Variants in ANGPT2 observed in about 807,000 individuals in gnomAD.
The protein encoded by ANGPT2 is angiopoietin-2.
A neutral mutation model predicts 62.9 loss-of-function variants in ANGPT2; 28 were observed. The ratio of observed to expected loss-of-function variants is 0.44; its 90% CI spans 0.33 to 0.61. The LOEUF is 0.61. Ranked by LOEUF, ANGPT2 falls within the 20% of genes least tolerant of loss-of-function variation. ANGPT2 has a pLI of 0.03. For synonymous variants in ANGPT2, 284 were observed against 207.8 expected, an observed-to-expected ratio of 1.37 and a Z score of -3.15; for missense variants, 727 against 594.9, an observed-to-expected ratio of 1.22 and a Z score of -2.31.
intron 3 of ANGPT2, 122 bp from the exon 4 acceptor site, chr8:6,521,532 A>G (rs1178210132): frequency 9.7e-6 from 7 of 724,708 alleles, no homozygotes; most frequent in Non-Finnish European, 1.5e-5. Flanking sequence ...AAGTAATATG[A>G]TGTTACCAGA....
rs1247989268 is a variant in ANGPT2 at position 6,505,250 on chromosome 8, T to TA, written c.1328-1990_1328-1989insT. Among the ~76,000 whole-genome samples, 59 of 20,286 alleles carry TA rather than the reference T, an allele frequency of 2.9e-3. 11 individuals carry two copies. The highest frequency in any genetic ancestry group is 6.6e-3 in the African/African-American group (56 of 8,520). The allele number at this position is 20,286 out of a possible 152,430, so 13.3% of individuals were successfully genotyped here. On this transcript the variant is annotated intron_variant, in intron 8 of 8. Coordinates refer to ENST00000629816, the MANE Select transcript of ANGPT2 (RefSeq NM_001118887.2). Reference sequence around the variant, plus strand: ...TTATGTATATATAGAATATATATTCTTTATATATGTTTTATATATATGTAT... The same window carrying TA: ...TTATGTATATATAGAATATATATTCTATTATATATGTTTTATATATATGTAT...
Position 6,543,949 on chromosome 8 carries a change from T to G in ANGPT2, c.289-11462A>C, listed in dbSNP as rs940057657. 2.0e-5 allele frequency among the ~76,000 whole-genome samples: 3 copies of G among 152,256 alleles called. No homozygotes were observed. The East Asian group carries it at 5.8e-4, about 29-fold the overall frequency. On this transcript the variant is annotated intron_variant, in intron 1 of 8. Coordinates refer to ENST00000629816, the MANE Select transcript of ANGPT2 (RefSeq NM_001118887.2). ...CAGATTATTTAACGGGGCTATGTTT[T>G]GCACCTTAATCTTTAAAGTTGCAAT...
chr8:6,527,456 G>A, intron 3 of ANGPT2, 99 bp downstream of exon 3: 2 of 1,453,718 alleles, frequency 1.4e-6, no homozygotes, highest in Non-Finnish European at 1.9e-6. Context: ...CACTAGACAT[G>A]AAGAAACTCA....
At position 6,519,533 on chromosome 8, in the gene ANGPT2, A is replaced by G. The variant is rs80203113; in HGVS notation, c.927+331T>C. On this transcript the variant is annotated intron_variant, in intron 5 of 8. Coordinates refer to ENST00000629816, the MANE Select transcript of ANGPT2 (RefSeq NM_001118887.2). Reference sequence around the variant, plus strand: ...GTTCAACCTTCAGTTTTTGGAAGATACTTTCTTTAAGGAAATGAGTCTGAC... The same window carrying G: ...GTTCAACCTTCAGTTTTTGGAAGATGCTTTCTTTAAGGAAATGAGTCTGAC... Among the ~76,000 whole-genome samples, 1,477 of 152,352 alleles carry G rather than the reference A, an allele frequency of 9.7e-3. 78 individuals are homozygous for G. The highest frequency in any genetic ancestry group is 0.079 in the Admixed American group (1,216 of 15,296).
chr8:6,515,216 G>A (rs1419787895), intron 5 of ANGPT2, among the ~76,000 whole-genome samples: 1 of 133,406 alleles, frequency 7.5e-6, no homozygotes, highest in Non-Finnish European at 1.7e-5. Context: ...GCCAGCCCCT[G>A]CCCCTCCACA....
chr8:6,563,025 T>C lies in ANGPT2; in HGVS notation c.-91A>G. 2 of 1,367,472 alleles carry C rather than the reference T, an allele frequency of 1.5e-6. No individual in the cohort carries two copies. The highest frequency in any genetic ancestry group is 2.0e-6 in the Non-Finnish European group (2 of 1,012,124). The allele number at this position is 1,367,472 out of a possible 1,614,324, so 84.7% of individuals were successfully genotyped here. ...GCTGCTGCCGTCTAAAACGCAGGGC[T>C]GCTACGCTGCCATGGCTGGGTCCGT... On this transcript the variant is annotated 5_prime_UTR_variant, in exon 1 of 9. Transcript: ENST00000629816.
intron 8 of ANGPT2, 144 bp downstream of exon 8, chr8:6,508,788 A>T (rs902834070): frequency 8.4e-7 from 1 of 1,187,620 alleles, no homozygotes; most frequent in Non-Finnish European, 1.2e-6. Flanking sequence ...TGAAAAACAC[A>T]TTTACCTATA....
chr8:6,507,168 G>T (rs75429999), intron 8 of ANGPT2, among the ~76,000 whole-genome samples: 36,967 of 152,102 alleles, frequency 0.24, 5,844 homozygotes, highest in Middle Eastern at 0.4. Flanking sequence ...AAAGTGCTGG[G>T]ATTACAAGCG....
chr8:6,540,422 C>A (rs1821330924), intron 1 of ANGPT2, among the ~76,000 whole-genome samples: 1 of 152,164 alleles, frequency 6.6e-6, no homozygotes, highest in Non-Finnish European at 1.5e-5. Context: ...TTGGGCATTT[C>A]ATATGCAAAA....
intron 7 of ANGPT2, among the ~76,000 whole-genome samples, chr8:6,513,076 A>C (rs1011808627): frequency 1.3e-5 from 2 of 152,222 alleles, no homozygotes; most frequent in African/African-American, 4.8e-5. Flanking sequence ...CTTACTATTC[A>C]CTGATTTTAC....
rs2916716 is a variant in ANGPT2, at chr8:6,499,714, A to T, written c.*3387T>A. ...TATGCAACATGAAGATTCTGAAGGG[A>T]CTTTGTTGTCTGAGAACACATCTAT... On this transcript the variant is annotated 3_prime_UTR_variant, in exon 9 of 9. Transcript: ENST00000629816. 0.29 allele frequency: 207,512 copies of T among 723,324 alleles called. 33,836 individuals are homozygous for T. The highest frequency in any genetic ancestry group is 0.37 in the Middle Eastern group (993 of 2,698). 44.8% of individuals were successfully genotyped at this position (723,324 alleles called of 1,614,324 possible). A position where few individuals can be genotyped will look rare whatever the true frequency, so the allele number is the denominator to read the frequency against.
At chr8:6,519,808 C>A in intron 5 of ANGPT2, 56 bp downstream of exon 5, 1 of 1,592,146 alleles carries the variant, frequency 6.3e-7, no homozygotes, top group South Asian at 1.1e-5. Context: ...GTTCCTCACT[C>A]ACTAAAGTGG....
chr8:6,561,046 G>A (rs775670039), intron 1 of ANGPT2, among the ~76,000 whole-genome samples: 10 of 152,180 alleles, frequency 6.6e-5, no homozygotes, highest in East Asian at 3.9e-4. Context: ...TCAGCTTGAC[G>A]GTTTACAAAG....
Position 6,499,918 on chromosome 8 carries a change from C to T in ANGPT2, c.*3183G>A, listed in dbSNP as rs377727146. On this transcript the variant is annotated 3_prime_UTR_variant, in exon 9 of 9. Coordinates refer to ENST00000629816, the MANE Select transcript of ANGPT2 (RefSeq NM_001118887.2). ...GCCGTTCGAACTGTCTCACCACTTC[C>T]CTGCAGCTCCCGTAAGTCAGATGTT... The T allele has an allele frequency of 4.9e-5, 79 of 1,613,476 alleles. No homozygotes were observed. The highest frequency in any genetic ancestry group is 6.4e-5 in the Non-Finnish European group (76 of 1,179,842).
intron 2 of ANGPT2, among the ~76,000 whole-genome samples, chr8:6,531,562 A>C (rs2442603): frequency 1.3e-5 from 2 of 152,014 alleles, no homozygotes; most frequent in African/African-American, 4.8e-5. Flanking sequence ...AAAGTGCTGG[A>C]ATTACAGGCG....
Position 6,505,740 on chromosome 8 carries a change from T to G in ANGPT2, c.1328-2479A>C, listed in dbSNP as rs1173089715. Among the ~76,000 whole-genome samples, 18 of 134,726 alleles carry G rather than the reference T, an allele frequency of 1.3e-4. No individual in the cohort carries two copies. The South Asian group carries it at 3.4e-3, about 26-fold the overall frequency. 88.4% of individuals were successfully genotyped at this position (134,726 alleles called of 152,430 possible). The stretch of plus-strand genomic sequence containing the variant: ...ATATTCTATATATATTCTATATATA[T>G]TCTTTATATATACGTATATATAGAA... On this transcript the variant is annotated intron_variant, in intron 8 of 8. Coordinates refer to ENST00000629816, the MANE Select transcript of ANGPT2 (RefSeq NM_001118887.2).
At chr8:6,548,923 CTTG>C (rs1823082743) in intron 1 of ANGPT2, among the ~76,000 whole-genome samples, 1 of 152,176 alleles carries the variant, frequency 6.6e-6, no homozygotes, top group South Asian at 2.1e-4. Flanking sequence ...TCACTACCTC[CTTG>C]TTAACCTCTG....
intron 7 of ANGPT2, among the ~76,000 whole-genome samples, chr8:6,509,920 C>G (rs1586232234): frequency 6.6e-6 from 1 of 152,172 alleles, no homozygotes; most frequent in East Asian, 1.9e-4. Context: ...CTGCCGCTGC[C>G]TGGCATCATG....
chr8:6,557,204 G>T (rs976144163), intron 1 of ANGPT2, among the ~76,000 whole-genome samples: 8 of 152,084 alleles, frequency 5.3e-5, no homozygotes, highest in Admixed American at 3.3e-4. Flanking sequence ...GTGCTTTCCC[G>T]TGTTTGCTTT....
Sources: allele counts gnomAD v4.1 joint callset (sites outside exome capture counted in the v4.1 genomes callset), GRCh38; gene constraint gnomAD v4.1.1; transcripts MANE v1.5; gene names NCBI Gene and HGNC (gene_info 2026-07-23, HGNC 2026-07-21).